Variants in WDR41 observed in about 807,000 individuals in gnomAD.
The protein encoded by WDR41 is WD repeat-containing protein 41.
In WDR41, 63 loss-of-function variants were observed where a neutral mutation model predicts 69.3. The observed-to-expected ratio is 0.91, with a 90% CI of 0.74 to 1.12. WDR41 has a LOEUF of 1.12. Among genes scored for constraint, WDR41 ranks in the 50% most tolerant of loss-of-function variants. The pLI is 0.00. For synonymous variants in WDR41, 185 were observed against 192.1 expected, an observed-to-expected ratio of 0.96 and a Z score of 0.31; for missense variants, 543 against 534.5, an observed-to-expected ratio of 1.02 and a Z score of -0.16.
At chr5:77,554,041 T>C (rs1017378582) in intron 1 of WDR41, among the ~76,000 whole-genome samples, 2 of 152,164 alleles carry the variant, frequency 1.3e-5, no homozygotes, top group African/African-American at 4.8e-5. Context: ...AGTCAACAGA[T>C]GGTTAAAGAA....
intron 1 of WDR41, among the ~76,000 whole-genome samples, chr5:77,532,751 A>C (rs1416633797): frequency 2.0e-5 from 3 of 152,184 alleles, no homozygotes; most frequent in African/African-American, 7.2e-5. Context: ...TAAATTATAC[A>C]GTAAATATTT....
intron 1 of WDR41, among the ~76,000 whole-genome samples, chr5:77,567,735 A>T (rs574498766): frequency 6.6e-6 from 1 of 152,118 alleles, no homozygotes; most frequent in African/African-American, 2.4e-5. Context: ...ACCTGTTTAA[A>T]ATGAACATTC....
chr5:77,619,028 A>G (rs1744729116), intron 1 of WDR41, among the ~76,000 whole-genome samples: 1 of 152,226 alleles, frequency 6.6e-6, no homozygotes, highest in Non-Finnish European at 1.5e-5. Context: ...ACCTTGATAC[A>G]GCCTACCTGA....
intron 5 of WDR41, among the ~76,000 whole-genome samples, chr5:77,454,561 T>C (rs335604): frequency 0.56 from 85,533 of 152,086 alleles, 24,608 homozygotes; most frequent in African/African-American, 0.68. Context: ...GAATAAATAA[T>C]GCCCAAGTCT....
intron 1 of WDR41, among the ~76,000 whole-genome samples, chr5:77,538,305 C>T (rs1238781249): frequency 1.3e-5 from 2 of 152,278 alleles, no homozygotes; most frequent in East Asian, 3.9e-4. Flanking sequence ...ACTTCCACTT[C>T]CACTTTTATT....
chr5:77,438,328 C>T lies in WDR41; in HGVS notation c.916G>A (p.Val306Met), dbSNP rs187756482. ...VFAAVGRGLY[V>M]YSLQMKRVIA... ...ACACGCTTCATTTGAAGGCTATACA[C>T]GTATAAACCCCTTCCAACTGCAGCA... Residue 306 changes from valine (V) to methionine (M), a missense_variant, in exon 10 of 13, where the codon GTG (valine) becomes ATG (methionine). Val to Met is a conservative substitution (Grantham distance 21). Coordinates refer to ENST00000296679, the MANE Select transcript of WDR41 (RefSeq NM_018268.4). The T allele has an allele frequency of 1.3e-5, 21 of 1,614,002 alleles. No individual in the cohort carries two copies. Among genetic ancestry groups the T allele is most frequent in the African/African-American group, 6.7e-5 (5 of 75,036 alleles).
intron 1 of WDR41, among the ~76,000 whole-genome samples, chr5:77,528,204 C>T (rs534008563): frequency 1.3e-5 from 2 of 151,726 alleles, no homozygotes; most frequent in South Asian, 4.1e-4. Flanking sequence ...CAGAGATTTA[C>T]AACACATATA....
At chr5:77,617,114 T>C (rs903377152) in intron 1 of WDR41, among the ~76,000 whole-genome samples, 4 of 152,134 alleles carry the variant, frequency 2.6e-5, no homozygotes, top group African/African-American at 9.7e-5. Context: ...GAATGCTGAG[T>C]CAGCACTGTC....
intron 1 of WDR41, among the ~76,000 whole-genome samples, chr5:77,556,699 C>G (rs962351236): frequency 6.6e-6 from 1 of 152,106 alleles, no homozygotes; most frequent in Non-Finnish European, 1.5e-5. Flanking sequence ...CTCAATGCCC[C>G]CATCCAAAAC....
At chr5:77,444,792 A>G (rs56006382) in intron 8 of WDR41, among the ~76,000 whole-genome samples, 2,752 of 152,342 alleles carry the variant, frequency 0.018, 35 homozygotes, top group Middle Eastern at 0.061. Context: ...TCATTTTCAA[A>G]TTTTAACAGA....
chr5:77,602,884 C>T (rs1027377416), intron 1 of WDR41, among the ~76,000 whole-genome samples: 1 of 150,742 alleles, frequency 6.6e-6, no homozygotes, highest in African/African-American at 2.4e-5. Flanking sequence ...TCCCACCAAC[C>T]ATCTATAAGA....
chr5:77,449,101 C>T (rs578056569), intron 8 of WDR41, among the ~76,000 whole-genome samples: 2 of 152,286 alleles, frequency 1.3e-5, no homozygotes, highest in East Asian at 3.9e-4. Context: ...TAAGCTGTCA[C>T]TTATCTGCAA....
At chr5:77,607,430 A>G (rs969732699) in intron 1 of WDR41, among the ~76,000 whole-genome samples, 12 of 152,384 alleles carry the variant, frequency 7.9e-5, no homozygotes, top group South Asian at 4.1e-4. Flanking sequence ...AGATACAGGG[A>G]AAGCAAGAGG....
chr5:77,509,497 TACAG>T (rs1236373570), intron 1 of WDR41, among the ~76,000 whole-genome samples: 2 of 152,214 alleles, frequency 1.3e-5, no homozygotes, highest in East Asian at 3.8e-4. Context: ...TGTATAACCA[TACAG>T]TAGAATATTA....
chr5:77,435,787 T>C (rs1581687549), intron 12 of WDR41, among the ~76,000 whole-genome samples: 2 of 152,352 alleles, frequency 1.3e-5, no homozygotes, highest in South Asian at 4.1e-4. Flanking sequence ...CTTTCATATT[T>C]GCACAATGAA....
rs542498724 is a variant in WDR41 at position 77,473,244 on chromosome 5, C to G, written c.168-8435G>C. ...GCTGGGAAAACTGGCTAGTCATATG[C>G]AGAAAGCTGAAACTGGATCCCTTCC... On this transcript the variant is annotated intron_variant, in intron 2 of 12. Coordinates refer to ENST00000296679, the MANE Select transcript of WDR41 (RefSeq NM_018268.4). Among the ~76,000 whole-genome samples, 222 of 152,250 alleles carry G rather than the reference C, an allele frequency of 1.5e-3. 1 individual carries two copies. Among genetic ancestry groups the G allele is most frequent in the Non-Finnish European group, 2.2e-3 (148 of 68,006 alleles).
chr5:77,540,878 C>T (rs1432071351), intron 1 of WDR41, among the ~76,000 whole-genome samples: 1 of 152,092 alleles, frequency 6.6e-6, no homozygotes, highest in Non-Finnish European at 1.5e-5. Flanking sequence ...ATTTTGATGA[C>T]TAAAAGGAGA....
intron 1 of WDR41, chr5:77,582,720 T>C (rs948196747): frequency 1.4e-4 from 224 of 1,590,890 alleles, no homozygotes; most frequent in Non-Finnish European, 1.8e-4. Flanking sequence ...TTCGCCTTCG[T>C]CAAATCTTCA....
intron 2 of WDR41, among the ~76,000 whole-genome samples, chr5:77,485,964 G>A (rs1801502510): frequency 6.6e-6 from 1 of 151,972 alleles, no homozygotes; most frequent in African/African-American, 2.4e-5. Flanking sequence ...AACCCAGAGT[G>A]TAATGTCTTC....
Sources: allele counts gnomAD v4.1 joint callset (sites outside exome capture counted in the v4.1 genomes callset), GRCh38; gene constraint gnomAD v4.1.1; transcripts MANE v1.5; gene names NCBI Gene and HGNC (gene_info 2026-07-23, HGNC 2026-07-21).